The following VRTN variants were observed in gnomAD, a reference collection of about 807,000 sequenced individuals.
The protein encoded by VRTN is vertnin.
VRTN carries 5 observed loss-of-function variants against 18.2 expected under a neutral mutation model. The observed-to-expected ratio is 0.27, with a 90% CI of 0.14 to 0.58. The LOEUF (loss-of-function observed/expected upper bound fraction) is 0.58, where lower values mean the gene tolerates loss of function less well. Among genes scored for constraint, VRTN ranks in the 20% least tolerant of loss-of-function variants. The probability of loss-of-function intolerance (pLI) is 0.91; values close to 1 mark genes in which losing one functional copy is unlikely to be tolerated. For synonymous variants in VRTN, 381 were observed against 393.7 expected (o/e 0.97, Z 0.38); for missense variants, 741 against 939.4 (o/e 0.79, Z 2.76).
chr14:74,330,798 T>C (rs1049953467), intron 1 of VRTN, among the ~76,000 whole-genome samples: 3 of 152,072 alleles, frequency 2.0e-5, no homozygotes, highest in Non-Finnish European at 4.4e-5. Flanking sequence ...CACTTGACTC[T>C]AGCAGATCAA....
At chr14:74,355,834 T>TC (rs1263055501) in intron 1 of VRTN, among the ~76,000 whole-genome samples, 29 of 138,124 alleles carry the variant, frequency 2.1e-4, no homozygotes, top group Admixed American at 7.8e-4. Flanking sequence ...GGCCTCTCTC[T>TC]TTTTTTTTTT....
At chr14:74,303,642 G>A (rs1441423480) in intron 1 of VRTN, among the ~76,000 whole-genome samples, 2 of 152,118 alleles carry the variant, frequency 1.3e-5, no homozygotes, top group African/African-American at 2.4e-5. Flanking sequence ...GTACCCAAAG[G>A]GAGGTGGGAA....
Position 74,357,074 on chromosome 14 carries a change from C to T in VRTN, c.291C>T (p.Asp97=), listed in dbSNP as rs767840148. The T allele has an allele frequency of 2.5e-5, 40 of 1,607,578 alleles. No homozygotes were observed. The highest frequency in any genetic ancestry group is 2.6e-5 in the Non-Finnish European group (31 of 1,178,236). Residue 97 remains aspartate (D), a synonymous_variant, in exon 2 of 2, where the codon GAC becomes GAT. Transcript: ENST00000256362. The surrounding 1 kb of genome is among the most constrained non-coding windows in gnomAD (Gnocchi z 7.8). ...CGGCCAGCATGCTGCTGTGGGGTGA[C>T]GCAGGCCTCAGCCTGGAGCTGCGGG... ...FEAASMLLWG[D]AGLSLELRAR...
In VRTN at chr14:74,356,825, G is replaced by A; in HGVS notation, c.42G>A (p.Glu14=). ...AGCTGGTGCAGAAGGTGCTGCAGGA[G>A]CTGCAGGAAGCAGTGGAGTGCGAAG... ...RNQLVQKVLQ[E]LQEAVECEGL... Residue 14 remains glutamate, a synonymous_variant, in exon 2 of 2, where the codon GAG becomes GAA. Transcript: ENST00000256362. 6.2e-7 allele frequency: 1 copy of A among 1,609,834 alleles called. No homozygotes were observed. The highest frequency in any genetic ancestry group is 1.7e-5 in the Admixed American group (1 of 59,274).
chr14:74,355,258 T>A (rs1158269604), intron 1 of VRTN, among the ~76,000 whole-genome samples: 1 of 152,170 alleles, frequency 6.6e-6, no homozygotes, highest in Non-Finnish European at 1.5e-5. Context: ...GAAATTACAG[T>A]CTCACTTCAT....
intron 1 of VRTN, among the ~76,000 whole-genome samples, chr14:74,331,497 C>G (rs2085523001): frequency 7.2e-6 from 1 of 138,464 alleles, no homozygotes; most frequent in Non-Finnish European, 1.5e-5. Context: ...CCATTGCACT[C>G]CAGCCTGGGC....
chr14:74,320,497 T>C (rs536970701), intron 1 of VRTN, among the ~76,000 whole-genome samples: 148 of 147,606 alleles, frequency 1.0e-3, no homozygotes, highest in South Asian at 2.2e-3. Flanking sequence ...CTCCTGACCT[T>C]GTGATCCGCC....
rs10146429 is a variant in VRTN, at chr14:74,339,984, A to G, written c.-2+2100A>G. On this transcript the variant is annotated intron_variant, in intron 2 of 2. Coordinates refer to the VRTN transcript ENST00000557177. ...GGAGTCTCACTCTGCTGCCCAGGCTAGAGTGCAGTGGCATGATCTCAGCTC... is the reference window on the plus strand; with the variant it reads ...GGAGTCTCACTCTGCTGCCCAGGCTGGAGTGCAGTGGCATGATCTCAGCTC... Among the ~76,000 whole-genome samples, 1,246 of 151,868 alleles carry G rather than the reference A, an allele frequency of 8.2e-3. 17 individuals are homozygous for G. The highest frequency in any genetic ancestry group is 0.028 in the African/African-American group (1,173 of 41,462).
chr14:74,331,177 G>A lies in VRTN; in HGVS notation c.-163-6546G>A, dbSNP rs549115991. Reference sequence around the variant, plus strand: ...AGATCGCGCCACTGCACTCCAGACTGGGGGACACGGTGAGACTCCGTCTCA... The same window carrying A: ...AGATCGCGCCACTGCACTCCAGACTAGGGGACACGGTGAGACTCCGTCTCA... On this transcript the variant is annotated intron_variant, in intron 1 of 2. Transcript: ENST00000557177. Among the ~76,000 whole-genome samples the A allele has an allele frequency of 4.0e-5, 6 of 151,030 alleles. No homozygotes were observed. The East Asian group carries it at 9.9e-4, about 25-fold the overall frequency.
intron 1 of VRTN, among the ~76,000 whole-genome samples, chr14:74,351,639 G>A (rs1283332038): frequency 6.6e-6 from 1 of 151,172 alleles, no homozygotes; most frequent in Non-Finnish European, 1.5e-5. Flanking sequence ...ATGCTACTAT[G>A]CAGGCTAATT....
chr14:74,352,296 G>A (rs984096783), intron 1 of VRTN, among the ~76,000 whole-genome samples: 1 of 150,202 alleles, frequency 6.7e-6, no homozygotes, highest in Admixed American at 6.6e-5. Context: ...CTTCTGCCTC[G>A]GCCTCCCGAG....
chr14:74,307,137 C>CTTTTTTTT (rs56345315), intron 1 of VRTN, among the ~76,000 whole-genome samples: 85 of 87,734 alleles, frequency 9.7e-4, no homozygotes, highest in African/African-American at 1.2e-3. Flanking sequence ...TGTTGTGGCC[C>CTTTTTTTT]TTTTTTTTTT....
At chr14:74,303,010 G>A, upstream of VRTN, 6 of 1,274,394 alleles carry the variant, frequency 4.7e-6, no homozygotes, top group Non-Finnish European at 1.0e-6. Context: ...CAGAGACGGC[G>A]TTTGATAGAG....
intron 1 of VRTN, among the ~76,000 whole-genome samples, chr14:74,331,724 C>G (rs971130802): frequency 1.4e-5 from 2 of 138,138 alleles, no homozygotes; most frequent in African/African-American, 6.3e-5. Flanking sequence ...GATGTGCACA[C>G]TTTACGTTGT....
chr14:74,307,076 G>A (rs1444477733), intron 1 of VRTN, among the ~76,000 whole-genome samples: 1 of 150,240 alleles, frequency 6.7e-6, no homozygotes, highest in Non-Finnish European at 1.5e-5. Context: ...AAGGAGAATT[G>A]CTCTGTGCCC....
At chr14:74,352,836 C>A (rs2085695432) in intron 1 of VRTN, among the ~76,000 whole-genome samples, 1 of 152,124 alleles carries the variant, frequency 6.6e-6, no homozygotes, top group African/African-American at 2.4e-5. Context: ...ATCTGAGAAA[C>A]CAGAAAGGAT....
chr14:74,353,149 C>T (rs189350083), intron 1 of VRTN, among the ~76,000 whole-genome samples: 2 of 152,082 alleles, frequency 1.3e-5, no homozygotes, highest in East Asian at 1.9e-4. Context: ...ATAAGCTGGG[C>T]GTGGTGGCAT....
chr14:74,319,974 C>T (rs550946490), intron 1 of VRTN, among the ~76,000 whole-genome samples: 19 of 152,246 alleles, frequency 1.2e-4, no homozygotes, highest in African/African-American at 3.6e-4. Context: ...CCTGGCTGGG[C>T]ACGGTGGCTC....
rs549611551 is a variant in VRTN at position 74,318,220 on chromosome 14, C to T, written c.-164+15044C>T. 2.9e-3 allele frequency among the ~76,000 whole-genome samples: 444 copies of T among 152,166 alleles called. 4 individuals are homozygous for T. Among genetic ancestry groups the T allele is most frequent in the African/African-American group, 0.01 (419 of 41,510 alleles). ...CCAGGTTCAAGGGATTCTCCTGCCT[C>T]AGCCTCCTGAATAGCTGGGATTACA... On this transcript the variant is annotated intron_variant, in intron 1 of 2. Transcript: ENST00000557177.
Sources: allele counts gnomAD v4.1 joint callset (sites outside exome capture counted in the v4.1 genomes callset), GRCh38; gene constraint gnomAD v4.1.1; non-coding constraint Gnocchi (gnomAD v3.1); transcripts MANE v1.5; gene names NCBI Gene and HGNC (gene_info 2026-07-23, HGNC 2026-07-21).